Variants in FSTL5 observed in about 807,000 individuals in gnomAD.
The protein encoded by FSTL5 is follistatin like 5.
A neutral mutation model predicts 89.1 loss-of-function variants in FSTL5; 62 were observed. The observed-to-expected ratio is 0.70, with a 90% CI of 0.57 to 0.86. The LOEUF (loss-of-function observed/expected upper bound fraction) is 0.86, where lower values mean the gene tolerates loss of function less well. Ranked by LOEUF, FSTL5 falls within the 40% of genes least tolerant of loss-of-function variation. The probability of loss-of-function intolerance (pLI) is 0.00; values close to 1 mark genes in which losing one functional copy is unlikely to be tolerated. For missense variants in FSTL5, 1,057 were observed against 1,001.6 expected, an observed-to-expected ratio of 1.06 and a Z score of -0.75; for synonymous variants, 383 against 346.2, an observed-to-expected ratio of 1.11 and a Z score of -1.18.
chr4:161,898,999 G>C (rs1733264350), intron 4 of FSTL5, among the ~76,000 whole-genome samples: 1 of 151,956 alleles, frequency 6.6e-6, no homozygotes, highest in Non-Finnish European at 1.5e-5. Flanking sequence ...TATAGGTAAG[G>C]GCACTACAGT....
At chr4:161,847,614 T>G (rs1196057853) in intron 4 of FSTL5, among the ~76,000 whole-genome samples, 1 of 152,260 alleles carries the variant, frequency 6.6e-6, no homozygotes, top group East Asian at 1.9e-4. Context: ...TTTTTGTCTT[T>G]TTTCTCCCTT....
intron 3 of FSTL5, among the ~76,000 whole-genome samples, chr4:161,956,555 T>C (rs940765075): frequency 1.3e-5 from 2 of 151,868 alleles, no homozygotes; most frequent in African/African-American, 4.8e-5. Context: ...AAGATTAGTA[T>C]CTATTAGGTT....
In FSTL5 at chr4:161,487,031, C is replaced by G. The variant is rs958137423; in HGVS notation, c.1459-5862G>C. Among the ~76,000 whole-genome samples, 5 of 152,248 alleles carry G rather than the reference C, an allele frequency of 3.3e-5. No homozygotes were observed. The East Asian group carries it at 9.7e-4, about 29-fold the overall frequency. On this transcript the variant is annotated intron_variant, in intron 12 of 15. Transcript: ENST00000306100. ...CCAAATTTCCAACACCTACATAATT[C>G]ATTCCTAACTTTGAGGTGTTTCACT... is the stretch of plus-strand genomic sequence containing the variant.
chr4:162,163,024 G>A (rs1419884336), intron 1 of FSTL5, among the ~76,000 whole-genome samples: 1 of 152,156 alleles, frequency 6.6e-6, no homozygotes, highest in African/African-American at 2.4e-5. Flanking sequence ...AGTTTCACAA[G>A]TTTTATTTGG....
At chr4:161,515,783 C>A (rs1375614412) in intron 10 of FSTL5, among the ~76,000 whole-genome samples, 1 of 151,354 alleles carries the variant, frequency 6.6e-6, no homozygotes, top group Non-Finnish European at 1.5e-5. Flanking sequence ...ATATCATTGG[C>A]CTTTATCAGT....
chr4:161,607,483 CT>C (rs1214848895), intron 7 of FSTL5, among the ~76,000 whole-genome samples: 1 of 151,936 alleles, frequency 6.6e-6, no homozygotes, highest in African/African-American at 2.4e-5. Flanking sequence ...CTGTCTGTTT[CT>C]GCGATAAAAA....
chr4:161,954,791 A>C (rs1201294952), intron 3 of FSTL5, among the ~76,000 whole-genome samples: 1 of 151,734 alleles, frequency 6.6e-6, no homozygotes, highest in Non-Finnish European at 1.5e-5. Context: ...ATGTGTTTCA[A>C]ATGTCTTTAG....
intron 7 of FSTL5, among the ~76,000 whole-genome samples, chr4:161,609,431 T>A (rs1356157879): frequency 6.6e-6 from 1 of 152,026 alleles, no homozygotes; most frequent in Non-Finnish European, 1.5e-5. Flanking sequence ...TTATGTAATA[T>A]CATGCTGTAG....
chr4:161,517,547 T>C (rs1730883425), intron 10 of FSTL5, among the ~76,000 whole-genome samples: 1 of 152,164 alleles, frequency 6.6e-6, no homozygotes, highest in Non-Finnish European at 1.5e-5. Flanking sequence ...CTTACACTTA[T>C]TTTCAAAATG....
chr4:162,013,667 C>T (rs1379961733), intron 3 of FSTL5, among the ~76,000 whole-genome samples: 1 of 152,098 alleles, frequency 6.6e-6, no homozygotes, highest in East Asian at 1.9e-4. Context: ...TGGCACATGG[C>T]TTGACTTCAG....
chr4:161,704,649 A>G lies in FSTL5; in HGVS notation c.728-48155T>C, dbSNP rs1024118095. Among the ~76,000 whole-genome samples, 3 of 152,114 alleles carry G rather than the reference A, an allele frequency of 2.0e-5. No individual in the cohort carries two copies. The East Asian group carries it at 5.8e-4, about 29-fold the overall frequency. On this transcript the variant is annotated intron_variant, in intron 6 of 15. Coordinates refer to ENST00000306100, the MANE Select transcript of FSTL5 (RefSeq NM_020116.5). ...ATCACTGGCAAAGTAGCACACATGA[A>G]AAATAGCACCTAGTTAAGAGTATTA...
At chr4:161,898,774 C>T (rs375632327) in intron 4 of FSTL5, among the ~76,000 whole-genome samples, 13 of 151,802 alleles carry the variant, frequency 8.6e-5, no homozygotes, top group African/African-American at 2.4e-4. Context: ...GGACTACAGG[C>T]GCCCGCCACC....
intron 6 of FSTL5, among the ~76,000 whole-genome samples, chr4:161,731,421 C>A (rs1177364139): frequency 1.3e-5 from 2 of 152,050 alleles, no homozygotes; most frequent in African/African-American, 4.8e-5. Context: ...CCTTGCTGTT[C>A]TCATGATAGT....
chr4:161,414,738 T>A (rs958395399), intron 15 of FSTL5, among the ~76,000 whole-genome samples: 1 of 152,188 alleles, frequency 6.6e-6, no homozygotes, highest in Non-Finnish European at 1.5e-5. Flanking sequence ...GAAAAAAAAT[T>A]AACAGACATT....
chr4:161,509,250 C>G (rs1324364821), intron 11 of FSTL5, among the ~76,000 whole-genome samples: 3 of 152,062 alleles, frequency 2.0e-5, no homozygotes, highest in African/African-American at 7.2e-5. Flanking sequence ...TTGCAGTGCG[C>G]CGAGATCGCG....
intron 1 of FSTL5, among the ~76,000 whole-genome samples, chr4:162,160,837 A>C (rs1028832001): frequency 5.3e-5 from 8 of 151,776 alleles, no homozygotes; most frequent in Non-Finnish European, 1.0e-4. Flanking sequence ...CAAAACAAAA[A>C]AAAAGCAAGC....
intron 6 of FSTL5, among the ~76,000 whole-genome samples, chr4:161,661,062 T>A (rs1347839880): frequency 6.6e-6 from 1 of 152,184 alleles, no homozygotes; most frequent in Non-Finnish European, 1.5e-5. Context: ...GAAGACGGTA[T>A]GGCAATTCCT....
intron 7 of FSTL5, among the ~76,000 whole-genome samples, chr4:161,646,165 A>AAT (rs1028488562): frequency 5.4e-5 from 8 of 147,742 alleles, no homozygotes; most frequent in South Asian, 2.1e-4. Context: ...TTGTATATAT[A>AAT]ATATATATAT....
chr4:161,630,853 C>T (rs1735480154), intron 7 of FSTL5, among the ~76,000 whole-genome samples: 1 of 152,190 alleles, frequency 6.6e-6, no homozygotes, highest in Non-Finnish European at 1.5e-5. Flanking sequence ...CTTTTGTCCT[C>T]ATCTGTTGAC....
Sources: allele counts gnomAD v4.1 joint callset (sites outside exome capture counted in the v4.1 genomes callset), GRCh38; gene constraint gnomAD v4.1.1; transcripts MANE v1.5; gene names NCBI Gene and HGNC (gene_info 2026-07-23, HGNC 2026-07-21).